The following ADGB variants were observed in gnomAD, a reference collection of about 807,000 sequenced individuals.
ADGB encodes androglobin.
Under a neutral mutation model 210.5 loss-of-function variants are expected in ADGB, and 172 were observed. The observed-to-expected ratio is 0.82, with a 90% CI of 0.72 to 0.93. The LOEUF (loss-of-function observed/expected upper bound fraction) is 0.93, where lower values mean the gene tolerates loss of function less well. Among genes scored for constraint, ADGB ranks in the 40% least tolerant of loss-of-function variants. The pLI is 0.00. For missense variants in ADGB, 2,025 were observed against 1,964.8 expected, an observed-to-expected ratio of 1.03 and a Z score of -0.58; for synonymous variants, 658 against 662.7, an observed-to-expected ratio of 0.99 and a Z score of 0.11.
chr6:146,752,257 G>GA (rs1331126075), intron 26 of ADGB, among the ~76,000 whole-genome samples: 9 of 152,104 alleles, frequency 5.9e-5, no homozygotes, highest in Admixed American at 5.9e-4. Flanking sequence ...GTAAGAGAGA[G>GA]AGAAAGGGGG....
intron 21 of ADGB, among the ~76,000 whole-genome samples, chr6:146,733,567 A>G (rs1198583326): frequency 1.3e-5 from 2 of 152,148 alleles, no homozygotes; most frequent in Non-Finnish European, 2.9e-5. Flanking sequence ...AGATCCTCTG[A>G]CTCAAGTAAC....
chr6:146,605,968 G>A (rs1019975581), intron 1 of ADGB, among the ~76,000 whole-genome samples: 1 of 152,092 alleles, frequency 6.6e-6, no homozygotes. Flanking sequence ...TCAAATGGTG[G>A]TCCTGTTTTA....
chr6:146,784,787 C>T lies in ADGB; in HGVS notation c.4205C>T (p.Ala1402Val), dbSNP rs1777850123. ...TGGGAGACAACTGAGCCAGGAAGAG[C>T]AATCAAGGTCACCTGATTTCGAAAA... ...QAWETTEPGR[A>V]IKASQARLHY... The change falls in exon 31 of 36, where the codon GCA (alanine) becomes GTA (valine). Residue 1402 changes from alanine (A) to valine (V), a missense_variant. Physicochemically the swap from Ala to Val is moderately conservative, Grantham distance 64 (BLOSUM62 0). Coordinates refer to ENST00000397944, the MANE Select transcript of ADGB (RefSeq NM_024694.4). The T allele has an allele frequency of 1.3e-6, 2 of 1,544,274 alleles. No individual in the cohort carries two copies. The highest frequency in any genetic ancestry group is 4.1e-5 in the Admixed American group (2 of 49,360).
chr6:146,785,150 G>A (rs1027392613), intron 31 of ADGB, among the ~76,000 whole-genome samples: 6 of 152,008 alleles, frequency 3.9e-5, no homozygotes, highest in Admixed American at 3.3e-4. Context: ...TACACTTTGC[G>A]CAGCCTTAGA....
chr6:146,710,074 A>G (rs944560970), intron 13 of ADGB, among the ~76,000 whole-genome samples: 39 of 151,476 alleles, frequency 2.6e-4, no homozygotes, highest in African/African-American at 9.4e-4. Context: ...ATATATTCAT[A>G]TATAAATCTG....
At position 146,764,076 on chromosome 6, in the gene ADGB, A is replaced by C. The variant is rs996334110; in HGVS notation, c.3726A>C (p.Glu1242Asp). ...EEETTSTPTR[E>D]DSSSTPLQNY... ...AAACTACCAGTACACCCACTAGAGA[A>C]GACAGTTCCAGCACACCACTGCAGG... Residue 1242 changes from glutamate (E) to aspartate (D), a missense_variant, in exon 28 of 36, where the codon GAA (glutamate) becomes GAC (aspartate). By Grantham distance (45) the Glu-to-Asp change is conservative (BLOSUM62 2). Transcript: ENST00000397944. 2 of 1,549,766 alleles carry C rather than the reference A, an allele frequency of 1.3e-6. No individual in the cohort carries two copies. Among genetic ancestry groups the C allele is most frequent in the African/African-American group, 1.4e-5 (1 of 72,952 alleles).
intron 3 of ADGB, 135 bp downstream of exon 3, chr6:146,645,000 G>A (rs2114871667): frequency 2.1e-6 from 1 of 469,978 alleles, no homozygotes. Flanking sequence ...ATTGCTTTTT[G>A]GCAACTAATC....
intron 28 of ADGB, among the ~76,000 whole-genome samples, chr6:146,767,868 A>C (rs1777599674): frequency 6.9e-6 from 1 of 144,168 alleles, no homozygotes; most frequent in Non-Finnish European, 1.6e-5. Context: ...CTAGCTCATG[A>C]GGTCATGCCC....
At chr6:146,609,412 G>A (rs1417848396) in intron 1 of ADGB, among the ~76,000 whole-genome samples, 1 of 152,148 alleles carries the variant, frequency 6.6e-6, no homozygotes, top group African/African-American at 2.4e-5. Flanking sequence ...CTGTCATCAG[G>A]TTGTTAGTTG....
intron 2 of ADGB, among the ~76,000 whole-genome samples, chr6:146,641,687 T>C (rs1775517735): frequency 6.6e-6 from 1 of 151,916 alleles, no homozygotes; most frequent in Admixed American, 6.6e-5. Flanking sequence ...GGTGCTGAGA[T>C]AGCTGACTAG....
chr6:146,616,268 G>GT lies in ADGB; in HGVS notation c.74+17167dup, dbSNP rs35741728. Among the ~76,000 whole-genome samples the GT allele has an allele frequency of 9.9e-3, 1,406 of 142,264 alleles. 21 individuals are homozygous for GT. Among genetic ancestry groups the GT allele is most frequent in the African/African-American group, 0.03 (1,186 of 39,108 alleles). The allele number at this position is 142,264 out of a possible 152,430, so 93.3% of individuals were successfully genotyped here. ...CCTATTTTTTAATTGTATTATTTGGGTTTTTTTTTTTTTGCTATTGAGTTG... is the reference window on the plus strand; with the variant it reads ...CCTATTTTTTAATTGTATTATTTGGGTTTTTTTTTTTTTTGCTATTGAGTTG... On this transcript the variant is annotated intron_variant, in intron 1 of 35. Coordinates refer to ENST00000397944, the MANE Select transcript of ADGB (RefSeq NM_024694.4).
intron 13 of ADGB, among the ~76,000 whole-genome samples, chr6:146,704,356 G>A (rs957625396): frequency 6.6e-6 from 1 of 151,596 alleles, no homozygotes; most frequent in Non-Finnish European, 1.5e-5. Flanking sequence ...GTGCTTTAGG[G>A]ATTATTTCTT....
chr6:146,638,604 T>C (rs1225382660), intron 2 of ADGB, among the ~76,000 whole-genome samples: 1 of 2,102 alleles, frequency 4.8e-4, no homozygotes, highest in African/African-American at 6.2e-3. Flanking sequence ...GGGCCTGTTG[T>C]GGGGTGGGGG....
rs1215705729 is a variant in ADGB at position 146,656,808 on chromosome 6, G to A, written c.440G>A (p.Trp147Ter). Reference sequence around the variant, plus strand: ...ATTATCAGTGAAATCTATGCAGTGTGGAAGATCTTCAATGGAGGAATTTTG... The same window carrying A: ...ATTATCAGTGAAATCTATGCAGTGTAGAAGATCTTCAATGGAGGAATTTTG... ...RWIISEIYAV[W>*]KIFNGGILSN... is the part of the protein sequence containing the mutation. Residue 147 changes from tryptophan to a stop codon, truncating the protein, a stop_gained, in exon 5 of 36, where the codon TGG becomes TAG. Transcript: ENST00000397944. LOFTEE classifies it high-confidence loss of function. 6.4e-7 allele frequency: 1 copy of A among 1,550,644 alleles called. No homozygotes were observed. Among genetic ancestry groups the A allele is most frequent in the Non-Finnish European group, 8.7e-7 (1 of 1,146,402 alleles).
chr6:146,647,156 A>G (rs1192750476), intron 3 of ADGB, among the ~76,000 whole-genome samples: 2 of 151,452 alleles, frequency 1.3e-5, no homozygotes, highest in Admixed American at 6.6e-5. Context: ...CAAACAAACA[A>G]AAAAAACCAG....
In ADGB at chr6:146,630,236, AAAAAATAAAAAT is replaced by A. The variant is rs954159896; in HGVS notation, c.75-5122_75-5111del. On this transcript the variant is annotated intron_variant, in intron 1 of 35. Transcript: ENST00000397944. ...TGGGTGACAAGAGTGAAACTCCGTC[AAAAAATAAAAAT>A]AAAAATAAAAATAAAAGAAAGAAAG... Among the ~76,000 whole-genome samples, 30 of 152,164 alleles carry A rather than the reference AAAAAATAAAAAT, an allele frequency of 2.0e-4. No homozygotes were observed. The South Asian group carries it at 2.5e-3, about 13-fold the overall frequency.
chr6:146,813,329 A>G (rs1158900702), intron 35 of ADGB, among the ~76,000 whole-genome samples: 1 of 152,076 alleles, frequency 6.6e-6, no homozygotes, highest in Non-Finnish European at 1.5e-5. Flanking sequence ...TTCAAGTGGA[A>G]TTTCATGGAT....
Position 146,774,808 on chromosome 6 carries a change from T to C in ADGB, c.3862+5677T>C, listed in dbSNP as rs1321610119. Among the ~76,000 whole-genome samples, 3 of 152,298 alleles carry C rather than the reference T, an allele frequency of 2.0e-5. No homozygotes were observed. The East Asian group carries it at 5.8e-4, about 29-fold the overall frequency. ...TACATATATAGAAAAATTCAGTTAC[T>C]AATGTCTTTAATTTATCCACTTAGC... On this transcript the variant is annotated intron_variant, in intron 29 of 35. Transcript: ENST00000397944.
intron 27 of ADGB, among the ~76,000 whole-genome samples, chr6:146,760,576 A>G (rs1157724177): frequency 2.0e-5 from 3 of 151,892 alleles, no homozygotes; most frequent in Admixed American, 2.0e-4. Context: ...ATGCTTGTAC[A>G]AATCCTTTTT....
Sources: gnomAD v4.1 joint callset for allele counts (sites outside exome capture counted in the v4.1 genomes callset) on GRCh38, gnomAD v4.1.1 for gene constraint, MANE v1.5 for transcripts, NCBI Gene and HGNC (gene_info 2026-07-23, HGNC 2026-07-21) for gene names.